SNX29: variants seen among roughly 807,000 people sequenced by gnomAD.
SNX29 encodes sorting nexin 29.
SNX29 carries 78 observed loss-of-function variants against 102.1 expected under a neutral mutation model. That is an observed-to-expected ratio of 0.76 (90% CI 0.64 to 0.92). The LOEUF (loss-of-function observed/expected upper bound fraction) is 0.92. SNX29 is among the 40% of genes least tolerant of loss of function. The pLI is 0.00. For missense variants in SNX29, 1,280 were observed against 1,061.7 expected, an observed-to-expected ratio of 1.21 and a Z score of -2.86; for synonymous variants, 580 against 414.5, an observed-to-expected ratio of 1.40 and a Z score of -4.85.
intron 15 of SNX29, among the ~76,000 whole-genome samples, chr16:12,302,305 C>G (rs1448655372): frequency 6.6e-6 from 1 of 152,246 alleles, no homozygotes; most frequent in African/African-American, 2.4e-5. Context: ...TCTACAGTTA[C>G]AGCAGGCACA....
chr16:12,076,040 A>T (rs2051549574), intron 10 of SNX29, among the ~76,000 whole-genome samples: 1 of 152,136 alleles, frequency 6.6e-6, no homozygotes, highest in Non-Finnish European at 1.5e-5. Flanking sequence ...TTTGGGTGGG[A>T]GTGGCCCGAT....
chr16:11,980,064 T>A (rs964932456), intron 1 of SNX29, among the ~76,000 whole-genome samples: 1 of 152,224 alleles, frequency 6.6e-6, no homozygotes. Context: ...TATTTTATTT[T>A]TATTTTTTGG....
chr16:12,481,213 A>G (rs1008259774), intron 19 of SNX29, among the ~76,000 whole-genome samples: 8 of 152,162 alleles, frequency 5.3e-5, no homozygotes, highest in Non-Finnish European at 1.0e-4. Context: ...GTACAAGTGC[A>G]CCAGCTGGTT....
rs549362757 is a variant in SNX29, at chr16:12,228,647, C to G, written c.1678+28964C>G. Reference sequence around the variant, plus strand: ...CCCTGCCTGACTTGGCCCTGCCCACCTTTTCAACCCTGTCTGGTGCGCAGC... The same window carrying G: ...CCCTGCCTGACTTGGCCCTGCCCACGTTTTCAACCCTGTCTGGTGCGCAGC... On this transcript the variant is annotated intron_variant, in intron 14 of 20. Coordinates refer to ENST00000566228, the MANE Select transcript of SNX29 (RefSeq NM_032167.5). 8.5e-5 allele frequency among the ~76,000 whole-genome samples: 13 copies of G among 152,348 alleles called. No homozygotes were observed. The East Asian group carries it at 2.5e-3, about 29-fold the overall frequency.
chr16:12,155,574 T>C (rs1459674779), intron 13 of SNX29, among the ~76,000 whole-genome samples: 1 of 152,172 alleles, frequency 6.6e-6, no homozygotes, highest in African/African-American at 2.4e-5. Flanking sequence ...GAGCCAACTA[T>C]AACTGGGGAC....
intron 15 of SNX29, among the ~76,000 whole-genome samples, chr16:12,291,468 G>A (rs528398056): frequency 5.3e-5 from 8 of 152,252 alleles, no homozygotes; most frequent in East Asian, 1.9e-4. Flanking sequence ...CCCACGACAC[G>A]TGGGAATTGT....
At chr16:12,154,388 C>T (rs12597662) in intron 13 of SNX29, among the ~76,000 whole-genome samples, 32,730 of 152,120 alleles carry the variant, frequency 0.22, 3,647 homozygotes, top group Middle Eastern at 0.24. Context: ...CCTCTGACAC[C>T]CCTGAGGTGG....
At chr16:12,349,474 C>T (rs2081932974) in intron 15 of SNX29, among the ~76,000 whole-genome samples, 1 of 152,224 alleles carries the variant, frequency 6.6e-6, no homozygotes, top group South Asian at 2.1e-4. Flanking sequence ...ATCCCAAAAT[C>T]CCAAATTCAA....
intron 16 of SNX29, among the ~76,000 whole-genome samples, chr16:12,397,995 T>C (rs1395736525): frequency 6.6e-6 from 1 of 152,192 alleles, no homozygotes; most frequent in Non-Finnish European, 1.5e-5. Context: ...GCTCGTACAT[T>C]ATGAGGGGAA....
In SNX29 at chr16:12,300,087, G is replaced by C. The variant is rs576846658; in HGVS notation, c.1782+22051G>C. ...GGGCTGCGCCATGTTGGCCAGGCTC[G>C]TCTTGAACTCCTGACTTCAGGTGAT... On this transcript the variant is annotated intron_variant, in intron 15 of 20. Transcript: ENST00000566228. Among the ~76,000 whole-genome samples the C allele has an allele frequency of 5.3e-5, 8 of 152,278 alleles. No individual in the cohort carries two copies. The South Asian group carries it at 1.5e-3, about 28-fold the overall frequency.
chr16:12,305,009 C>G (rs1292523096), intron 15 of SNX29, among the ~76,000 whole-genome samples: 1 of 152,168 alleles, frequency 6.6e-6, no homozygotes, highest in Non-Finnish European at 1.5e-5. Flanking sequence ...ATAATTTGAT[C>G]TTCGATAATT....
intron 15 of SNX29, among the ~76,000 whole-genome samples, chr16:12,345,694 G>A (rs1185686855): frequency 6.6e-6 from 1 of 152,180 alleles, no homozygotes; most frequent in Non-Finnish European, 1.5e-5. Context: ...TTTGAGTGAC[G>A]TTGTGAAGGG....
chr16:12,516,738 C>G (rs763459335), intron 19 of SNX29, among the ~76,000 whole-genome samples: 18 of 152,144 alleles, frequency 1.2e-4, no homozygotes, highest in Non-Finnish European at 2.4e-4. Context: ...GCAAAATCAC[C>G]TCTGTCTGTC....
At chr16:12,504,858 C>T (rs138179812) in intron 19 of SNX29, among the ~76,000 whole-genome samples, 31 of 152,286 alleles carry the variant, frequency 2.0e-4, no homozygotes, top group African/African-American at 6.7e-4. Context: ...TGTGGATAAG[C>T]GGGACCACTG....
intron 5 of SNX29, among the ~76,000 whole-genome samples, chr16:12,044,688 C>T (rs1208618855): frequency 2.0e-5 from 3 of 152,180 alleles, no homozygotes; most frequent in Non-Finnish European, 4.4e-5. Context: ...AAGCGATTCT[C>T]CTGCCTCAGC....
intron 8 of SNX29, among the ~76,000 whole-genome samples, chr16:12,055,540 T>C (rs2050484691): frequency 6.6e-6 from 1 of 152,042 alleles, no homozygotes; most frequent in Admixed American, 6.6e-5. Flanking sequence ...CTTATCTTGA[T>C]TTATTTTAAG....
At chr16:12,226,554 A>G (rs1189281160) in intron 14 of SNX29, among the ~76,000 whole-genome samples, 1 of 148,290 alleles carries the variant, frequency 6.7e-6, no homozygotes, top group East Asian at 2.0e-4. Flanking sequence ...AGGGGAGCTG[A>G]AGGGCGTGGA....
chr16:12,058,653 C>T (rs2050627556), intron 8 of SNX29, among the ~76,000 whole-genome samples: 1 of 151,542 alleles, frequency 6.6e-6, no homozygotes, highest in South Asian at 2.1e-4. Flanking sequence ...ACCACCACGC[C>T]CTGCTAAGTT....
chr16:12,481,831 G>T (rs1352045980), intron 19 of SNX29, among the ~76,000 whole-genome samples: 1 of 152,178 alleles, frequency 6.6e-6, no homozygotes, highest in Admixed American at 6.5e-5. Context: ...AACAGGAGGG[G>T]CCATACCCGG....
Sources: gnomAD v4.1 joint callset for allele counts (sites outside exome capture counted in the v4.1 genomes callset) on GRCh38, gnomAD v4.1.1 for gene constraint, MANE v1.5 for transcripts, NCBI Gene and HGNC (gene_info 2026-07-23, HGNC 2026-07-21) for gene names.